EPHA6: variants seen among roughly 807,000 people sequenced by gnomAD.
EPHA6 encodes the protein ephrin type-A receptor 6.
EPHA6 carries 50 observed loss-of-function variants against 112.0 expected under a neutral mutation model. That is an observed-to-expected ratio of 0.45 (90% CI 0.36 to 0.56). The LOEUF (loss-of-function observed/expected upper bound fraction) is 0.56, where lower values mean the gene tolerates loss of function less well. Among genes scored for constraint, EPHA6 ranks in the 20% least tolerant of loss-of-function variants. EPHA6 has a pLI of 0.00. For missense variants in EPHA6, 1,280 were observed against 1,417.4 expected (o/e 0.90, Z 1.56); for synonymous variants, 529 against 490.7 (o/e 1.08, Z -1.03).
At chr3:97,052,774 A>G (rs962495634) in intron 3 of EPHA6, among the ~76,000 whole-genome samples, 1 of 152,064 alleles carries the variant, frequency 6.6e-6, no homozygotes, top group African/African-American at 2.4e-5. Context: ...CCCTGTTTCT[A>G]CCAATAACAC....
chr3:97,565,768 C>T (rs1379740359), intron 11 of EPHA6, among the ~76,000 whole-genome samples: 1 of 152,168 alleles, frequency 6.6e-6, no homozygotes, highest in Admixed American at 6.5e-5. Context: ...CCTGTAATCC[C>T]AGCACTTTGG....
At chr3:97,101,854 G>T (rs369417164) in intron 3 of EPHA6, among the ~76,000 whole-genome samples, 48 of 152,072 alleles carry the variant, frequency 3.2e-4, no homozygotes, top group East Asian at 3.1e-3. Flanking sequence ...TTATCAGACA[G>T]ATCTGTATTC....
chr3:97,703,301 T>C (rs1423613178), intron 14 of EPHA6, among the ~76,000 whole-genome samples: 1 of 152,200 alleles, frequency 6.6e-6, no homozygotes, highest in Non-Finnish European at 1.5e-5. Context: ...AGTATAGCTA[T>C]CCTCAAATGA....
intron 3 of EPHA6, among the ~76,000 whole-genome samples, chr3:97,005,880 G>A (rs2043859264): frequency 6.6e-6 from 1 of 152,126 alleles, no homozygotes; most frequent in Non-Finnish European, 1.5e-5. Flanking sequence ...ATAATCATGT[G>A]ATTTTTGTCT....
intron 16 of EPHA6, 98 bp downstream of exon 16, chr3:97,736,216 A>G (rs1031964836): frequency 1.1e-6 from 1 of 890,494 alleles, no homozygotes. Context: ...AAATGCCTTG[A>G]TAACCATCTA....
chr3:97,211,855 G>T lies in EPHA6; in HGVS notation c.1115-14409G>T, dbSNP rs116048700. Among the ~76,000 whole-genome samples the T allele has an allele frequency of 3.4e-3, 512 of 152,144 alleles. 4 individuals are homozygous for T. Among genetic ancestry groups the T allele is most frequent in the African/African-American group, 0.011 (464 of 41,504 alleles). On this transcript the variant is annotated intron_variant, in intron 3 of 17. Transcript: ENST00000389672. ...CAAACCCATGTGATCTAGTTTCAAAGGCCACATTCTTTATTTACTTTGTAG... is the reference window on the plus strand; with the variant it reads ...CAAACCCATGTGATCTAGTTTCAAATGCCACATTCTTTATTTACTTTGTAG...
intron 3 of EPHA6, among the ~76,000 whole-genome samples, chr3:97,153,460 G>A (rs1026813140): frequency 1.5e-4 from 23 of 151,908 alleles, no homozygotes; most frequent in African/African-American, 9.7e-5. Flanking sequence ...CCTTTGAAAC[G>A]TTTTCTGAAC....
At chr3:97,184,467 G>T (rs1288530178) in intron 3 of EPHA6, among the ~76,000 whole-genome samples, 1 of 152,118 alleles carries the variant, frequency 6.6e-6, no homozygotes, top group African/African-American at 2.4e-5. Flanking sequence ...ATTCACAATT[G>T]CTTCACAGAG....
chr3:97,001,882 T>C (rs996575222), intron 3 of EPHA6, among the ~76,000 whole-genome samples: 1 of 152,066 alleles, frequency 6.6e-6, no homozygotes. Context: ...ATTCCCATTA[T>C]TGGACAGTAT....
intron 6 of EPHA6, among the ~76,000 whole-genome samples, chr3:97,446,337 T>C (rs1359703914): frequency 6.6e-6 from 1 of 152,144 alleles, no homozygotes; most frequent in African/African-American, 2.4e-5. Context: ...TCCTACTGTT[T>C]GATTTTTATT....
chr3:97,509,048 C>T (rs1403740576), intron 10 of EPHA6, among the ~76,000 whole-genome samples: 1 of 76,322 alleles, frequency 1.3e-5, no homozygotes. Context: ...GGGAGATATT[C>T]CTCATCCCTT....
At chr3:96,988,097 T>C in intron 3 of EPHA6, 104 bp downstream of exon 3, 1 of 880,964 alleles carries the variant, frequency 1.1e-6, no homozygotes, top group Non-Finnish European at 1.7e-6. Flanking sequence ...CATGGGTGTG[T>C]AGTAATGTTT....
intron 9 of EPHA6, 55 bp from the exon 10 acceptor site, chr3:97,483,879 T>C (rs1041886564): frequency 7.2e-6 from 11 of 1,532,254 alleles, no homozygotes; most frequent in Non-Finnish European, 9.6e-6. Context: ...GTTCACAAGA[T>C]ATAGACCACT....
chr3:97,242,125 G>GA (rs1342228306), intron 4 of EPHA6, among the ~76,000 whole-genome samples: 2 of 151,588 alleles, frequency 1.3e-5, no homozygotes, highest in Admixed American at 6.6e-5. Context: ...CAACCTTTTA[G>GA]AAAAAATGAT....
intron 3 of EPHA6, among the ~76,000 whole-genome samples, chr3:97,186,287 G>A (rs2077133651): frequency 6.6e-6 from 1 of 152,172 alleles, no homozygotes; most frequent in South Asian, 2.1e-4. Flanking sequence ...GGGGCCCCAA[G>A]ATTTTTTTAA....
At chr3:97,240,188 A>G (rs1423914098) in intron 4 of EPHA6, among the ~76,000 whole-genome samples, 2 of 151,884 alleles carry the variant, frequency 1.3e-5, no homozygotes, top group Non-Finnish European at 2.9e-5. Context: ...GTATGTATCA[A>G]TATCATATCA....
chr3:97,743,302 A>T (rs1559642402), intron 16 of EPHA6, among the ~76,000 whole-genome samples: 1 of 151,988 alleles, frequency 6.6e-6, no homozygotes, highest in Non-Finnish European at 1.5e-5. Flanking sequence ...TATTTAATGA[A>T]CTCCTATAAT....
At chr3:97,124,742 G>C (rs2048137617) in intron 3 of EPHA6, among the ~76,000 whole-genome samples, 1 of 152,122 alleles carries the variant, frequency 6.6e-6, no homozygotes, top group South Asian at 2.1e-4. Context: ...CAGTCATTCT[G>C]AGACAGTCCC....
intron 3 of EPHA6, among the ~76,000 whole-genome samples, chr3:97,019,253 T>G (rs953688382): frequency 3.3e-5 from 5 of 152,150 alleles, no homozygotes; most frequent in African/African-American, 1.2e-4. Context: ...TTATCTTCTT[T>G]TATAGTTTAT....
Sources: gnomAD v4.1 joint callset for allele counts (sites outside exome capture counted in the v4.1 genomes callset) on GRCh38, gnomAD v4.1.1 for gene constraint, MANE v1.5 for transcripts, NCBI Gene and HGNC (gene_info 2026-07-23, HGNC 2026-07-21) for gene names.